The following ERC2 variants were observed in gnomAD, a reference collection of about 807,000 sequenced individuals.
ERC2 encodes the protein ELKS/RAB6-interacting/CAST family member 2.
A neutral mutation model predicts 114.8 loss-of-function variants in ERC2; 42 were observed. The ratio of observed to expected loss-of-function variants is 0.37; its 90% CI spans 0.29 to 0.47. The LOEUF (loss-of-function observed/expected upper bound fraction) is 0.47. Among genes scored for constraint, ERC2 ranks in the 20% least tolerant of loss-of-function variants. ERC2 has a pLI of 0.99. For synonymous variants in ERC2, 454 were observed against 425.5 expected (o/e 1.07, Z -0.82); for missense variants, 939 against 1,150.7 (o/e 0.82, Z 2.66).
chr3:56,344,867 G>GCT (rs564632405), intron 2 of ERC2, among the ~76,000 whole-genome samples: 29 of 152,268 alleles, frequency 1.9e-4, no homozygotes, highest in African/African-American at 7.0e-4. Flanking sequence ...CACAGCATCT[G>GCT]CTACAGGAAA....
intron 3 of ERC2, among the ~76,000 whole-genome samples, chr3:56,233,359 G>A (rs975483892): frequency 6.6e-6 from 1 of 152,164 alleles, no homozygotes; most frequent in Non-Finnish European, 1.5e-5. Context: ...AGTGGCTCAC[G>A]CCTATAATCC....
intron 7 of ERC2, among the ~76,000 whole-genome samples, chr3:56,038,672 T>C (rs2074955000): frequency 6.6e-6 from 1 of 152,132 alleles, no homozygotes; most frequent in African/African-American, 2.4e-5. Flanking sequence ...AGCAAAGACA[T>C]GGAATCAACC....
At chr3:56,264,424 C>T (rs1211779774) in intron 3 of ERC2, among the ~76,000 whole-genome samples, 2 of 151,956 alleles carry the variant, frequency 1.3e-5, no homozygotes, top group South Asian at 2.1e-4. Flanking sequence ...TGGTGAAACC[C>T]CGCCTCTACT....
chr3:56,359,584 C>T (rs1341483744), intron 2 of ERC2, among the ~76,000 whole-genome samples: 1 of 152,270 alleles, frequency 6.6e-6, no homozygotes, highest in African/African-American at 2.4e-5. Context: ...CCCAAGGCCA[C>T]ATGGCCAGTG....
intron 2 of ERC2, among the ~76,000 whole-genome samples, chr3:56,365,900 A>T (rs758991677): frequency 6.6e-6 from 1 of 152,196 alleles, no homozygotes; most frequent in South Asian, 2.1e-4. Flanking sequence ...TTTAGAGTTA[A>T]TTCATGGTTA....
intron 7 of ERC2, among the ~76,000 whole-genome samples, chr3:56,066,005 G>C (rs1481618072): frequency 6.6e-6 from 1 of 152,086 alleles, no homozygotes; most frequent in African/African-American, 2.4e-5. Flanking sequence ...ACTGCAATGA[G>C]CATACATGTG....
intron 3 of ERC2, among the ~76,000 whole-genome samples, chr3:56,266,131 A>AAT (rs1553901862): frequency 1.8e-5 from 2 of 112,272 alleles, no homozygotes; most frequent in Non-Finnish European, 3.6e-5. Flanking sequence ...AAATAACTAG[A>AAT]TTTTTTTTTT....
intron 14 of ERC2, among the ~76,000 whole-genome samples, chr3:55,810,982 C>T (rs1475099761): frequency 1.3e-5 from 2 of 152,112 alleles, no homozygotes; most frequent in African/African-American, 2.4e-5. Context: ...AATATTTTAA[C>T]GTTTCAGAAA....
chr3:56,467,430 C>T (rs536267337), intron 1 of ERC2, among the ~76,000 whole-genome samples: 181 of 152,284 alleles, frequency 1.2e-3, no homozygotes, highest in African/African-American at 4.2e-3. Context: ...AGAACAGAGA[C>T]CCTTAAGTAC....
chr3:55,999,078 C>A (rs547810453), intron 10 of ERC2, among the ~76,000 whole-genome samples: 1 of 152,116 alleles, frequency 6.6e-6, no homozygotes, highest in African/African-American at 2.4e-5. Context: ...GAAAGACTCC[C>A]GATACCATCT....
At chr3:56,303,131 T>C (rs1459152810) in intron 2 of ERC2, among the ~76,000 whole-genome samples, 1 of 152,222 alleles carries the variant, frequency 6.6e-6, no homozygotes, top group Non-Finnish European at 1.5e-5. Flanking sequence ...TGTCTGCCAC[T>C]GGAAAGATAC....
intron 2 of ERC2, among the ~76,000 whole-genome samples, chr3:56,393,817 A>C (rs2060210089): frequency 1.3e-5 from 2 of 152,194 alleles, no homozygotes; most frequent in Admixed American, 1.3e-4. Context: ...CATCAGCTAC[A>C]CTGCCATAAG....
chr3:55,822,754 C>A (rs185855801), intron 14 of ERC2, among the ~76,000 whole-genome samples: 1 of 151,232 alleles, frequency 6.6e-6, no homozygotes, highest in Non-Finnish European at 1.5e-5. Context: ...GCTGGGACTA[C>A]AGGCACCCGC....
chr3:55,523,765 C>T (rs964183683), intron 17 of ERC2, among the ~76,000 whole-genome samples: 3 of 152,188 alleles, frequency 2.0e-5, no homozygotes, highest in Non-Finnish European at 4.4e-5. Context: ...AAGAAGAGAG[C>T]TAACTAAGTT....
intron 17 of ERC2, among the ~76,000 whole-genome samples, chr3:55,564,193 C>A (rs191078987): frequency 2.6e-5 from 4 of 152,126 alleles, no homozygotes. Flanking sequence ...GTTTTGAAGA[C>A]GGAGAGATCT....
intron 14 of ERC2, among the ~76,000 whole-genome samples, chr3:55,862,704 T>G (rs1263525523): frequency 6.6e-6 from 1 of 152,164 alleles, no homozygotes; most frequent in Non-Finnish European, 1.5e-5. Flanking sequence ...TTGGACCTAT[T>G]TAAGAAATAA....
intron 17 of ERC2, among the ~76,000 whole-genome samples, chr3:55,605,106 T>G (rs1044055158): frequency 1.3e-5 from 2 of 152,144 alleles, no homozygotes; most frequent in African/African-American, 2.4e-5. Flanking sequence ...ATGCAAATTT[T>G]TTTTTTTTTT....
At chr3:56,445,665 C>A (rs1376503945) in intron 1 of ERC2, among the ~76,000 whole-genome samples, 1 of 152,278 alleles carries the variant, frequency 6.6e-6, no homozygotes, top group African/African-American at 2.4e-5. Flanking sequence ...AGCCAACAGC[C>A]CCCGCCTCCC....
intron 2 of ERC2, among the ~76,000 whole-genome samples, chr3:56,392,983 C>T (rs1017542753): frequency 2.0e-5 from 3 of 152,200 alleles, no homozygotes; most frequent in African/African-American, 7.2e-5. Flanking sequence ...CTTTCTGGTG[C>T]CTCCCACTCA....
Sources: gnomAD v4.1 joint callset for allele counts (sites outside exome capture counted in the v4.1 genomes callset) on GRCh38, gnomAD v4.1.1 for gene constraint, MANE v1.5 for transcripts, NCBI Gene and HGNC (gene_info 2026-07-23, HGNC 2026-07-21) for gene names.